FSTL4: variants seen among roughly 807,000 people sequenced by gnomAD.
The protein encoded by FSTL4 is follistatin-related protein 4.
FSTL4 carries 28 observed loss-of-function variants against 78.2 expected under a neutral mutation model. That is an observed-to-expected ratio of 0.36 (90% CI 0.27 to 0.49). The LOEUF is 0.49. Ranked by LOEUF, FSTL4 falls within the 20% of genes least tolerant of loss-of-function variation. The pLI, the probability that FSTL4 is intolerant of heterozygous loss-of-function variation, is 0.98. For synonymous variants in FSTL4, 422 were observed against 440.5 expected (o/e 0.96, Z 0.53); for missense variants, 922 against 1,084.9 (o/e 0.85, Z 2.11).
intron 2 of FSTL4, among the ~76,000 whole-genome samples, chr5:133,573,603 T>C (rs1345932932): frequency 6.6e-6 from 1 of 152,174 alleles, no homozygotes; most frequent in Non-Finnish European, 1.5e-5. Flanking sequence ...AAGAGGAGAA[T>C]TTTTTTAACC....
chr5:133,232,964 G>T (rs561388698), intron 8 of FSTL4, among the ~76,000 whole-genome samples: 1 of 152,208 alleles, frequency 6.6e-6, no homozygotes, highest in East Asian at 1.9e-4. Context: ...GGAGGGAGAC[G>T]GACACAAGCC....
chr5:133,701,395 TC>T, the FSTL4 span, among the ~76,000 whole-genome samples: 1 of 94,694 alleles, frequency 1.1e-5, no homozygotes, highest in Non-Finnish European at 2.0e-5. Context: ...AGAGGAAGAG[TC>T]AGTCTCAAAA....
At chr5:133,393,625 G>C (rs1354248718) in intron 4 of FSTL4, among the ~76,000 whole-genome samples, 2 of 152,248 alleles carry the variant, frequency 1.3e-5, no homozygotes, top group African/African-American at 4.8e-5. Context: ...AGGGAGTCTG[G>C]AGAGAAAGTG....
intron 4 of FSTL4, among the ~76,000 whole-genome samples, chr5:133,320,740 G>A (rs374176388): frequency 6.6e-6 from 1 of 152,172 alleles, no homozygotes; most frequent in Non-Finnish European, 1.5e-5. Context: ...GGGCGTGGTG[G>A]CTCACGCCTG....
At chr5:133,417,916 G>A (rs1338184427) in intron 3 of FSTL4, among the ~76,000 whole-genome samples, 5 of 136,092 alleles carry the variant, frequency 3.7e-5, no homozygotes, top group African/African-American at 1.2e-4. Flanking sequence ...CTGAGATTGC[G>A]CCACTGCACT....
intron 1 of FSTL4, among the ~76,000 whole-genome samples, chr5:133,610,654 G>A (rs1761069869): frequency 6.6e-6 from 1 of 152,170 alleles, no homozygotes; most frequent in African/African-American, 2.4e-5. Flanking sequence ...TCACACCTCC[G>A]ACCATTCCCT....
At chr5:133,488,043 T>C (rs1156979638) in intron 3 of FSTL4, among the ~76,000 whole-genome samples, 3 of 152,206 alleles carry the variant, frequency 2.0e-5, no homozygotes. Context: ...TGCTCACTAC[T>C]AATACAAAGA....
At chr5:133,277,400 G>A (rs563533626) in intron 6 of FSTL4, among the ~76,000 whole-genome samples, 74 of 152,276 alleles carry the variant, frequency 4.9e-4, no homozygotes, top group African/African-American at 1.7e-3. Flanking sequence ...GAAGGAGGGC[G>A]TCTGAGGTGC....
the FSTL4 span, among the ~76,000 whole-genome samples, chr5:133,750,270 G>A: frequency 2.6e-5 from 4 of 152,180 alleles, no homozygotes; most frequent in African/African-American, 9.7e-5. Context: ...GCAAGTGCTT[G>A]CTCCATGAAG....
chr5:133,456,799 G>GC (rs1303238636), intron 3 of FSTL4, among the ~76,000 whole-genome samples: 13 of 152,178 alleles, frequency 8.5e-5, no homozygotes, highest in Non-Finnish European at 1.2e-4. Context: ...ATAGGAACGA[G>GC]CCCCCAACTA....
intron 8 of FSTL4, among the ~76,000 whole-genome samples, chr5:133,226,744 T>C (rs75676566): frequency 0.014 from 2,068 of 152,330 alleles, 54 homozygotes; most frequent in African/African-American, 0.047. Context: ...GACAGCTACA[T>C]TTTCCTAGAG....
At chr5:133,342,752 A>G (rs1274752672) in intron 4 of FSTL4, among the ~76,000 whole-genome samples, 1 of 152,216 alleles carries the variant, frequency 6.6e-6, no homozygotes, top group Non-Finnish European at 1.5e-5. Flanking sequence ...CTTGGGAAAA[A>G]GAAAAAAAGA....
At chr5:133,557,679 A>ATGG (rs1273875140) in intron 3 of FSTL4, among the ~76,000 whole-genome samples, 2 of 152,124 alleles carry the variant, frequency 1.3e-5, no homozygotes, top group Non-Finnish European at 2.9e-5. Context: ...GGAGGCTGGC[A>ATGG]CTCACCATGA....
intron 2 of FSTL4, among the ~76,000 whole-genome samples, chr5:133,594,784 AG>A (rs1760708053): frequency 6.6e-6 from 1 of 152,266 alleles, no homozygotes; most frequent in Non-Finnish European, 1.5e-5. Flanking sequence ...GGCCAGAAAG[AG>A]AAATAAATGG....
chr5:133,811,614 GGA>G, the FSTL4 span, among the ~76,000 whole-genome samples: 1 of 152,200 alleles, frequency 6.6e-6, no homozygotes, highest in South Asian at 2.1e-4. Flanking sequence ...ACAGGGCTAA[GGA>G]GTTTTAGACT....
intron 5 of FSTL4, among the ~76,000 whole-genome samples, chr5:133,313,788 G>T (rs958255873): frequency 1.3e-5 from 2 of 152,098 alleles, no homozygotes; most frequent in Admixed American, 6.6e-5. Context: ...TAATGCCTGA[G>T]ATCAATCTTC....
chr5:133,458,538 A>G (rs2112835587), intron 3 of FSTL4, among the ~76,000 whole-genome samples: 1 of 152,360 alleles, frequency 6.6e-6, no homozygotes, highest in Admixed American at 6.5e-5. Context: ...TGAGGAGAGA[A>G]TAGGCTTCCT....
At chr5:133,735,280 C>T in the FSTL4 span, among the ~76,000 whole-genome samples, 10 of 152,228 alleles carry the variant, frequency 6.6e-5, no homozygotes, top group South Asian at 1.0e-3. Flanking sequence ...CTGGCCAACA[C>T]GGAGAAACCC....
At chr5:133,690,119 C>T in the FSTL4 span, among the ~76,000 whole-genome samples, 81 of 152,124 alleles carry the variant, frequency 5.3e-4, no homozygotes, top group African/African-American at 1.9e-3. Flanking sequence ...ACCTCCCCAC[C>T]GGAACTTCCC....
Sources: allele counts gnomAD v4.1 joint callset (sites outside exome capture counted in the v4.1 genomes callset), GRCh38; gene constraint gnomAD v4.1.1; transcripts MANE v1.5; gene names NCBI Gene and HGNC (gene_info 2026-07-23, HGNC 2026-07-21).